SLC67A2: variants seen among roughly 807,000 people sequenced by gnomAD.
SLC67A2 encodes the protein solute carrier family 67 member A2.
the SLC67A2 span, among the ~76,000 whole-genome samples, chr2:102,727,229 A>G: frequency 6.6e-6 from 1 of 152,178 alleles, no homozygotes; most frequent in Non-Finnish European, 1.5e-5. Flanking sequence ...TCTGGTAGCT[A>G]AGAAAGGCAG....
the SLC67A2 span, among the ~76,000 whole-genome samples, chr2:102,726,153 T>C: frequency 6.6e-6 from 1 of 152,190 alleles, no homozygotes. Flanking sequence ...CACAAGCTGC[T>C]GTATCATAAT....
At chr2:102,719,358 AC>A in the SLC67A2 span, 2 of 812,282 alleles carry the variant, frequency 2.5e-6, no homozygotes, top group Non-Finnish European at 1.9e-6. Flanking sequence ...CTAGTCTTTC[AC>A]CATTCCTATG....
the SLC67A2 span, among the ~76,000 whole-genome samples, chr2:102,719,510 A>G: frequency 1.1e-3 from 161 of 152,318 alleles, no homozygotes; most frequent in African/African-American, 3.8e-3. Flanking sequence ...TCATATCTGA[A>G]TTGTTATAAA....
the SLC67A2 span, among the ~76,000 whole-genome samples, chr2:102,734,737 T>C: frequency 6.6e-6 from 1 of 152,188 alleles, no homozygotes; most frequent in Admixed American, 6.5e-5. Flanking sequence ...ACCTAATGGT[T>C]CTCTTGAATA....
the SLC67A2 span, among the ~76,000 whole-genome samples, chr2:102,728,923 G>A: frequency 6.6e-6 from 1 of 152,188 alleles, no homozygotes; most frequent in Non-Finnish European, 1.5e-5. Context: ...ATAAGGATTA[G>A]AGGAAATAAA....
the SLC67A2 span, among the ~76,000 whole-genome samples, chr2:102,721,673 G>C: frequency 2.6e-5 from 4 of 151,726 alleles, no homozygotes; most frequent in African/African-American, 9.7e-5. Flanking sequence ...GTGTGTGTGT[G>C]TGTGTGTGTC....
the SLC67A2 span, chr2:102,717,748 T>C: frequency 6.6e-6 from 1 of 152,512 alleles, no homozygotes; most frequent in Admixed American, 6.5e-5. Context: ...ATCAGTGCAG[T>C]CTCAGTGTGG....
At chr2:102,718,625 G>A in the SLC67A2 span, 5 of 1,613,776 alleles carry the variant, frequency 3.1e-6, no homozygotes, top group Non-Finnish European at 4.2e-6. Context: ...GGTGCCGCTG[G>A]CCTGGGCCCC....
the SLC67A2 span, chr2:102,723,969 T>G: frequency 7.1e-7 from 1 of 1,418,400 alleles, no homozygotes; most frequent in African/African-American, 1.4e-5. Flanking sequence ...ATCTTACTTA[T>G]GATCCTGTGC....
chr2:102,723,962 T>A, the SLC67A2 span: 7 of 1,403,834 alleles, frequency 5.0e-6, no homozygotes, highest in South Asian at 1.2e-5. Context: ...CATAAGTATC[T>A]TACTTATGAT....
the SLC67A2 span, chr2:102,726,866 C>T: frequency 6.2e-7 from 1 of 1,602,212 alleles, no homozygotes; most frequent in Non-Finnish European, 8.5e-7. Flanking sequence ...CTAGCCAGGA[C>T]AAACAGAAAC....
the SLC67A2 span, among the ~76,000 whole-genome samples, chr2:102,728,546 T>C: frequency 6.6e-6 from 1 of 152,210 alleles, no homozygotes; most frequent in African/African-American, 2.4e-5. Context: ...TCCAAAATAC[T>C]GTCATCCTTC....
chr2:102,718,680 C>T, the SLC67A2 span: 7 of 1,613,908 alleles, frequency 4.3e-6, no homozygotes, highest in Non-Finnish European at 5.9e-6. Flanking sequence ...CTGCCAATGG[C>T]AGTGGAGAAG....
chr2:102,722,728 T>C, the SLC67A2 span, among the ~76,000 whole-genome samples: 1 of 152,228 alleles, frequency 6.6e-6, no homozygotes, highest in Admixed American at 6.5e-5. Context: ...AATAATTTCT[T>C]AGGTATAACA....
chr2:102,732,858 A>G, the SLC67A2 span, among the ~76,000 whole-genome samples: 1 of 152,224 alleles, frequency 6.6e-6, no homozygotes, highest in Admixed American at 6.5e-5. Context: ...AGAAGGAAGA[A>G]GCTGGTGCAC....
chr2:102,718,243 G>T, the SLC67A2 span: 1 of 690,106 alleles, frequency 1.4e-6, no homozygotes, highest in Non-Finnish European at 2.4e-6. Flanking sequence ...CGTGACTTCT[G>T]ATCATCCTGC....
At chr2:102,720,364 A>T in the SLC67A2 span, among the ~76,000 whole-genome samples, 1 of 152,232 alleles carries the variant, frequency 6.6e-6, no homozygotes, top group African/African-American at 2.4e-5. Flanking sequence ...TAAAGATGTG[A>T]AAGAATTATT....
chr2:102,714,794 C>T, the SLC67A2 span, among the ~76,000 whole-genome samples: 1,117 of 152,276 alleles, frequency 7.3e-3, 13 homozygotes, highest in African/African-American at 0.024. Context: ...GTTTTAGAGA[C>T]TTCTTGAAGG....
At chr2:102,721,555 T>A in the SLC67A2 span, among the ~76,000 whole-genome samples, 1 of 152,184 alleles carries the variant, frequency 6.6e-6, no homozygotes, top group Non-Finnish European at 1.5e-5. Context: ...AATTCTCGTT[T>A]ATGAAGTCAT....
Sources: allele counts gnomAD v4.1 joint callset (sites outside exome capture counted in the v4.1 genomes callset), GRCh38; gene constraint gnomAD v4.1.1; transcripts MANE v1.5; gene names NCBI Gene and HGNC (gene_info 2026-07-23, HGNC 2026-07-21).